RERE: variants seen among roughly 807,000 people sequenced by gnomAD.
RERE encodes the protein arginine-glutamic acid dipeptide repeats.
A neutral mutation model predicts 146.1 loss-of-function variants in RERE; 40 were observed. The ratio of observed to expected loss-of-function variants is 0.27; its 90% CI spans 0.21 to 0.36. RERE has a LOEUF of 0.36. Among genes scored for constraint, RERE ranks in the 10% least tolerant of loss-of-function variants. RERE has a pLI of 1.00. For synonymous variants in RERE, 1,003 were observed against 866.0 expected, an observed-to-expected ratio of 1.16 and a Z score of -2.78; for missense variants, 1,933 against 2,138.7, an observed-to-expected ratio of 0.90 and a Z score of 1.90.
chr1:8,743,307 C>T (rs1265118074), intron 1 of RERE, among the ~76,000 whole-genome samples: 1 of 152,014 alleles, frequency 6.6e-6, no homozygotes, highest in African/African-American at 2.4e-5. Context: ...GAGACAAAGT[C>T]TCACTCTGTC....
intron 1 of RERE, among the ~76,000 whole-genome samples, chr1:8,808,161 A>C (rs1353944977): frequency 4.0e-5 from 6 of 151,242 alleles, no homozygotes; most frequent in Admixed American, 2.6e-4. Flanking sequence ...AAAAAAAAAA[A>C]AAAAAAAAAC....
At chr1:8,370,494 T>C (rs1254587153) in intron 12 of RERE, among the ~76,000 whole-genome samples, 1 of 152,220 alleles carries the variant, frequency 6.6e-6, no homozygotes, top group Non-Finnish European at 1.5e-5. Context: ...TCATACCATA[T>C]ATGGCAGGTT....
intron 6 of RERE, among the ~76,000 whole-genome samples, chr1:8,554,586 G>A (rs1039923012): frequency 6.7e-6 from 1 of 148,852 alleles, no homozygotes; most frequent in Non-Finnish European, 1.5e-5. Context: ...ACTTGGGGAG[G>A]TAGGATTGCC....
chr1:8,448,030 CTG>C (rs1414574121), intron 11 of RERE, among the ~76,000 whole-genome samples: 3 of 152,168 alleles, frequency 2.0e-5, no homozygotes, highest in Non-Finnish European at 4.4e-5. Flanking sequence ...TTCCATCTTT[CTG>C]TGTGCCCCAT....
chr1:8,576,333 G>C (rs1646294291), intron 4 of RERE, among the ~76,000 whole-genome samples: 1 of 152,128 alleles, frequency 6.6e-6, no homozygotes, highest in Admixed American at 6.5e-5. Context: ...TGTAACCATA[G>C]GCAGTGGTCA....
intron 11 of RERE, among the ~76,000 whole-genome samples, chr1:8,441,382 C>G (rs1205827456): frequency 1.3e-5 from 2 of 152,308 alleles, no homozygotes; most frequent in East Asian, 1.9e-4. Flanking sequence ...ACCACTGCCC[C>G]CCTCTCACTT....
At chr1:8,742,383 G>C (rs1640326305) in intron 1 of RERE, among the ~76,000 whole-genome samples, 1 of 152,206 alleles carries the variant, frequency 6.6e-6, no homozygotes, top group South Asian at 2.1e-4. Flanking sequence ...AGATTGTAGA[G>C]CTGAATCGGT....
intron 1 of RERE, among the ~76,000 whole-genome samples, chr1:8,773,685 G>T (rs1051995213): frequency 6.6e-6 from 1 of 152,134 alleles, no homozygotes; most frequent in Non-Finnish European, 1.5e-5. Flanking sequence ...TTAGCCGGGC[G>T]TGGTGGTGCG....
intron 1 of RERE, among the ~76,000 whole-genome samples, chr1:8,710,492 C>A (rs145166598): frequency 3.3e-4 from 50 of 152,276 alleles, no homozygotes; most frequent in African/African-American, 1.2e-3. Flanking sequence ...TTTTACTTTC[C>A]AACATAGTCC....
chr1:8,523,796 A>G (rs1450781935), intron 7 of RERE, among the ~76,000 whole-genome samples: 1 of 152,248 alleles, frequency 6.6e-6, no homozygotes, highest in African/African-American at 2.4e-5. Flanking sequence ...CCATAAATAC[A>G]GATTTGTACT....
At chr1:8,778,042 T>G (rs534539969) in intron 1 of RERE, among the ~76,000 whole-genome samples, 42 of 152,288 alleles carry the variant, frequency 2.8e-4, no homozygotes, top group African/African-American at 9.9e-4. Context: ...AATGGGTTAT[T>G]AGAAGTAATA....
intron 11 of RERE, among the ~76,000 whole-genome samples, chr1:8,457,981 G>A (rs2124096825): frequency 6.6e-6 from 1 of 152,190 alleles, no homozygotes; most frequent in Middle Eastern, 3.4e-3. Flanking sequence ...TCTCATGGTA[G>A]GGTTCTCATT....
chr1:8,750,324 T>G, intron 1 of RERE: 1 of 584,076 alleles, frequency 1.7e-6, no homozygotes, highest in Non-Finnish European at 3.0e-6. Flanking sequence ...AAGACTTGGG[T>G]GGTAAAGTGC....
rs747376294 is a variant in RERE at position 8,508,613 on chromosome 1, A to G, written c.879+14T>C. The G allele has an allele frequency of 1.2e-5, 19 of 1,601,044 alleles. No individual in the cohort carries two copies. In the East Asian group the frequency reaches 4.2e-4, roughly 36 times the overall value. On this transcript the variant is annotated intron_variant, in intron 8 of 22. Transcript: ENST00000400908. ...ACAAAAACCTATTAAGGAAGCTATG[A>G]AAATGAACTTCACCTGATGACTAGG...
chr1:8,736,424 G>T (rs1049228028), intron 1 of RERE, among the ~76,000 whole-genome samples: 1 of 152,040 alleles, frequency 6.6e-6, no homozygotes, highest in African/African-American at 2.4e-5. Context: ...AACCAGGATG[G>T]TCTCAATCTC....
intron 8 of RERE, among the ~76,000 whole-genome samples, chr1:8,502,813 T>A (rs927836985): frequency 6.8e-6 from 1 of 147,916 alleles, no homozygotes; most frequent in Admixed American, 6.8e-5. Flanking sequence ...CTCTGAAACA[T>A]GTGCTGTGTC....
intron 12 of RERE, among the ~76,000 whole-genome samples, chr1:8,403,825 C>CTTCTTTTTTT (rs1643350012): frequency 1.4e-5 from 1 of 70,854 alleles, no homozygotes; most frequent in African/African-American, 5.9e-5. Context: ...AAAATCTTAG[C>CTTCTTTTTTT]TTTTTTTTTT....
At chr1:8,751,168 T>C (rs1640527452) in intron 1 of RERE, 3 of 277,866 alleles carry the variant, frequency 1.1e-5, no homozygotes, top group Non-Finnish European at 2.0e-5. Context: ...GGTAGTGTTC[T>C]GTTGCCCATC....
At chr1:8,765,164 ATT>A (rs143854274) in intron 1 of RERE, among the ~76,000 whole-genome samples, 1,993 of 152,360 alleles carry the variant, frequency 0.013, 49 homozygotes, top group African/African-American at 0.046. Context: ...ATGATTTGGC[ATT>A]TATTGGGAAT....
Sources: allele counts gnomAD v4.1 joint callset (sites outside exome capture counted in the v4.1 genomes callset), GRCh38; gene constraint gnomAD v4.1.1; transcripts MANE v1.5; gene names NCBI Gene and HGNC (gene_info 2026-07-23, HGNC 2026-07-21).